Variants in DNTT observed in about 807,000 individuals in gnomAD.
DNTT encodes nucleosidetriphosphate:DNA deoxynucleotidylexotransferase.
Under a neutral mutation model 60.9 loss-of-function variants are expected in DNTT, and 47 were observed. That is an observed-to-expected ratio of 0.77 (90% CI 0.61 to 0.98). The LOEUF (loss-of-function observed/expected upper bound fraction) is 0.98. DNTT is among the 50% of genes least tolerant of loss of function. The pLI, the probability that DNTT is intolerant of heterozygous loss-of-function variation, is 0.00. For synonymous variants in DNTT, 224 were observed against 221.2 expected (o/e 1.01, Z -0.11); for missense variants, 665 against 627.5 (o/e 1.06, Z -0.64).
At chr10:96,326,010 C>T (rs1295086009) in intron 6 of DNTT, among the ~76,000 whole-genome samples, 3 of 152,160 alleles carry the variant, frequency 2.0e-5, no homozygotes, top group African/African-American at 7.2e-5. Context: ...ATAAGTTAGT[C>T]GCCTTGCCAT....
intron 1 of DNTT, among the ~76,000 whole-genome samples, chr10:96,314,765 T>C (rs909814881): frequency 2.6e-5 from 4 of 152,212 alleles, no homozygotes; most frequent in African/African-American, 9.6e-5. Context: ...GCATTATTGA[T>C]AATTAAATGA....
chr10:96,327,629 C>A (rs756609148), intron 7 of DNTT, 29 bp downstream of exon 7: 1 of 1,597,606 alleles, frequency 6.3e-7, no homozygotes, highest in Non-Finnish European at 8.5e-7. Flanking sequence ...TTTGCCTCCT[C>A]TGCCCGAATA....
Position 96,322,707 on chromosome 10 carries a change from T to C in DNTT, c.729T>C (p.Asp243=). Residue 243 remains aspartate (D), a synonymous_variant, in exon 5 of 11, where the codon GAT becomes GAC. Transcript: ENST00000371174. Reference sequence around the variant, plus strand: ...CTGAAGTTAAAGCTGTGTTAAATGATGAACGATATCAATCCTTCAAAGTAA... The same window carrying C: ...CTGAAGTTAAAGCTGTGTTAAATGACGAACGATATCAATCCTTCAAAGTAA... The part of the protein sequence containing the change: ...ESSEVKAVLN[D]ERYQSFKLFT... 1.2e-6 allele frequency: 2 copies of C among 1,601,208 alleles called. No individual in the cohort carries two copies. Among genetic ancestry groups the C allele is most frequent in the Non-Finnish European group, 1.7e-6 (2 of 1,170,580 alleles).
At chr10:96,319,521 C>T (rs145076478) in intron 3 of DNTT, 131 bp downstream of exon 3, 3 of 1,285,456 alleles carry the variant, frequency 2.3e-6, no homozygotes, top group Admixed American at 2.2e-5. Flanking sequence ...GCAGCCCTAG[C>T]CTGATCTCTG....
intron 1 of DNTT, 21 bp from the exon 2 acceptor site, chr10:96,318,331 A>G: frequency 6.3e-7 from 1 of 1,594,192 alleles, no homozygotes; most frequent in Non-Finnish European, 8.6e-7. Flanking sequence ...TCAGCTGGTA[A>G]CTCTGTCTTG....
rs531126266 is a variant in DNTT, at chr10:96,329,906, C to T, written c.1113+1076C>T. On this transcript the variant is annotated intron_variant, in intron 8 of 10. Transcript: ENST00000371174. Reference sequence around the variant, plus strand: ...CATCTCCCTCCTGCCCCACAGCTCTCTTCCTGAGAACTGGCCGCTCTGTAC... The same window carrying T: ...CATCTCCCTCCTGCCCCACAGCTCTTTTCCTGAGAACTGGCCGCTCTGTAC... Among the ~76,000 whole-genome samples, 13 of 152,324 alleles carry T rather than the reference C, an allele frequency of 8.5e-5. No homozygotes were observed. In the South Asian group the frequency reaches 2.7e-3, roughly 32 times the overall value.
intron 10 of DNTT, 50 bp from the exon 11 acceptor site, chr10:96,338,088 G>A (rs767226211): frequency 6.5e-5 from 100 of 1,532,832 alleles, no homozygotes; most frequent in Admixed American, 1.6e-4. Context: ...TCCACACCAT[G>A]GTGCTTATGA....
chr10:96,331,374 G>GCCCA (rs1845004179), intron 8 of DNTT, among the ~76,000 whole-genome samples: 1 of 152,160 alleles, frequency 6.6e-6, no homozygotes, highest in Admixed American at 6.5e-5. Flanking sequence ...CGTTTACTTG[G>GCCCA]CCCATGGTTC....
In DNTT at chr10:96,304,511, G is replaced by T; in HGVS notation, c.14G>T (p.Arg5Leu). Reference protein sequence around the residue: MDPPRASHLSPRKKR... With the variant: MDPPLASHLSPRKKR... ...CAGCCTCTTCCCATGGATCCACCAC[G>T]AGCGTCCCACTTGAGCCCTCGGAAG... The change falls in exon 1 of 11, where the codon CGA (arginine) becomes CTA (leucine). Residue 5 changes from arginine to leucine, a missense_variant. Coordinates refer to ENST00000371174, the MANE Select transcript of DNTT (RefSeq NM_004088.4). 6.2e-7 allele frequency: 1 copy of T among 1,613,706 alleles called. No individual in the cohort carries two copies. The highest frequency in any genetic ancestry group is 2.2e-5 in the East Asian group (1 of 44,866).
chr10:96,335,651 C>T (rs1845058696), intron 9 of DNTT, among the ~76,000 whole-genome samples: 1 of 152,216 alleles, frequency 6.6e-6, no homozygotes. Context: ...ACATGCGAGG[C>T]ACTATTTGAG....
intron 2 of DNTT, 52 bp from the exon 3 acceptor site, chr10:96,319,208 ATC>A: frequency 6.3e-7 from 1 of 1,586,662 alleles, no homozygotes; most frequent in Non-Finnish European, 8.6e-7. Flanking sequence ...TTCCGTACAT[ATC>A]TGTTATTACT....
intron 9 of DNTT, among the ~76,000 whole-genome samples, chr10:96,333,641 A>C (rs925821897): frequency 2.6e-5 from 4 of 152,276 alleles, no homozygotes; most frequent in Non-Finnish European, 5.9e-5. Flanking sequence ...GCCTTTCGAA[A>C]ACAGGACATT....
intron 2 of DNTT, 21 bp downstream of exon 2, chr10:96,318,547 T>C (rs1376702901): frequency 6.2e-7 from 1 of 1,609,808 alleles, no homozygotes; most frequent in Non-Finnish European, 8.5e-7. Flanking sequence ...TGGGTGTGAT[T>C]TTCACTGTTC....
At chr10:96,308,910 A>C (rs960708930) in intron 1 of DNTT, among the ~76,000 whole-genome samples, 24 of 152,230 alleles carry the variant, frequency 1.6e-4, no homozygotes, top group Admixed American at 1.0e-3. Flanking sequence ...GTCATCAGTT[A>C]AGGCTATTTT....
At position 96,320,246 on chromosome 10, in the gene DNTT, C is replaced by T. The variant is rs7090840; in HGVS notation, c.508-372C>T. ...GTGTTAAGTGCTGTGTTTCATGGGG[C>T]TGCTCAGTGATCAAGGCAGAATTCT... On this transcript the variant is annotated intron_variant, in intron 3 of 10. Coordinates refer to ENST00000371174, the MANE Select transcript of DNTT (RefSeq NM_004088.4). Among the ~76,000 whole-genome samples the T allele has an allele frequency of 1.4e-4, 22 of 152,298 alleles. 1 individual carries two copies. The East Asian group carries it at 3.1e-3, about 21-fold the overall frequency.
intron 1 of DNTT, among the ~76,000 whole-genome samples, chr10:96,312,802 T>C (rs1844736765): frequency 6.6e-6 from 1 of 152,228 alleles, no homozygotes; most frequent in Non-Finnish European, 1.5e-5. Flanking sequence ...AGTCTCATAA[T>C]GGGACCCAGT....
chr10:96,321,810 C>T (rs925011147), intron 4 of DNTT, among the ~76,000 whole-genome samples: 1 of 152,108 alleles, frequency 6.6e-6, no homozygotes, highest in Non-Finnish European at 1.5e-5. Context: ...CCTGCTCATG[C>T]CTGACTAGCT....
chr10:96,309,551 G>A (rs1178361225), intron 1 of DNTT, among the ~76,000 whole-genome samples: 1 of 151,632 alleles, frequency 6.6e-6, no homozygotes, highest in Non-Finnish European at 1.5e-5. Flanking sequence ...ATCTAAACTG[G>A]CTGCTTGCCC....
rs766570842 is a variant in DNTT, at chr10:96,328,868, A to G, written c.1113+38A>G. 2.5e-6 allele frequency: 4 copies of G among 1,586,246 alleles called. No individual in the cohort carries two copies. In the African/African-American group the frequency reaches 5.4e-5, roughly 21 times the overall value. On this transcript the variant is annotated intron_variant, in intron 8 of 10. Coordinates refer to ENST00000371174, the MANE Select transcript of DNTT (RefSeq NM_004088.4). ...ATGAAAAATACATGCACACGCAAAC[A>G]TTATGTTAACACTTGAATTTTGCAC... is the stretch of plus-strand genomic sequence containing the variant.
Sources: gnomAD v4.1 joint callset for allele counts (sites outside exome capture counted in the v4.1 genomes callset) on GRCh38, gnomAD v4.1.1 for gene constraint, MANE v1.5 for transcripts, NCBI Gene and HGNC (gene_info 2026-07-23, HGNC 2026-07-21) for gene names.